The following PRRC2C variants were observed in gnomAD, a reference collection of about 807,000 sequenced individuals.
PRRC2C encodes the protein proline rich coiled-coil 2C, also known as protein PRRC2C.
Under a neutral mutation model 317.2 loss-of-function variants are expected in PRRC2C, and 72 were observed. The observed-to-expected ratio is 0.23, with a 90% CI of 0.19 to 0.28. PRRC2C has a LOEUF of 0.28. Among genes scored for constraint, PRRC2C ranks in the 10% least tolerant of loss-of-function variants. The pLI is 1.00. For synonymous variants in PRRC2C, 1,296 were observed against 1,205.9 expected, an observed-to-expected ratio of 1.07 and a Z score of -1.55; for missense variants, 3,074 against 3,459.7, an observed-to-expected ratio of 0.89 and a Z score of 2.80.
intron 1 of PRRC2C, among the ~76,000 whole-genome samples, chr1:171,486,065 G>A (rs1665996979): frequency 6.6e-6 from 1 of 150,562 alleles, no homozygotes; most frequent in Non-Finnish European, 1.5e-5. Flanking sequence ...TGCCGGGTAA[G>A]CGAAGGGGGT....
At chr1:171,586,012 CAG>C (rs549470801) in intron 30 of PRRC2C, among the ~76,000 whole-genome samples, 204 of 147,646 alleles carry the variant, frequency 1.4e-3, no homozygotes, top group Non-Finnish European at 2.4e-3. Context: ...GTGCATGAAA[CAG>C]AAGTTCTGAC....
At chr1:171,520,998 G>A (rs1265352517) in intron 6 of PRRC2C, among the ~76,000 whole-genome samples, 3 of 151,664 alleles carry the variant, frequency 2.0e-5, no homozygotes, top group Admixed American at 2.0e-4. Context: ...TAGAGACAGG[G>A]TTTCACCATG....
chr1:171,522,246 T>C lies in PRRC2C; in HGVS notation c.820T>C (p.Ser274Pro), dbSNP rs1328837995. 1.3e-6 allele frequency: 2 copies of C among 1,578,950 alleles called. No homozygotes were observed. Among genetic ancestry groups the C allele is most frequent in the South Asian group, 1.1e-5 (1 of 89,908 alleles). The part of the protein sequence containing the change: ...HGPMRFPPSL[S>P]ETNKGLRGRG... ...TCCCATGAGATTCCCACCTTCTTTA[T>C]CTGAAACAAACAAGTAAGGCTATTA... Residue 274 changes from serine (S) to proline (P), a missense_variant, in exon 7 of 35, where the codon TCT (serine) becomes CCT (proline). Transcript: ENST00000647382.
intron 23 of PRRC2C, 141 bp from the exon 24 acceptor site, chr1:171,571,179 G>A: frequency 1.8e-6 from 1 of 556,532 alleles, no homozygotes. Context: ...TAAACACAAT[G>A]TGACTCTTAA....
At chr1:171,536,299 T>C (rs1210438955) in intron 14 of PRRC2C, 21 bp downstream of exon 14, 4 of 1,607,600 alleles carry the variant, frequency 2.5e-6, no homozygotes, top group South Asian at 2.2e-5. Flanking sequence ...TTTGCATTTA[T>C]AGTTTTACAG....
At chr1:171,528,789 T>G (rs1043219146) in intron 11 of PRRC2C, among the ~76,000 whole-genome samples, 1 of 152,152 alleles carries the variant, frequency 6.6e-6, no homozygotes, top group African/African-American at 2.4e-5. Context: ...ATTGACATAG[T>G]TGATTTCTCT....
intron 24 of PRRC2C, 21 bp downstream of exon 24, chr1:171,571,442 T>G: frequency 2.4e-5 from 36 of 1,508,802 alleles, no homozygotes; most frequent in Non-Finnish European, 2.9e-5. Flanking sequence ...CATCCATCTC[T>G]AAGAGTCCTT....
chr1:171,575,205 C>G, intron 25 of PRRC2C, 77 bp downstream of exon 25: 5 of 1,318,832 alleles, frequency 3.8e-6, no homozygotes, highest in East Asian at 2.5e-5. Context: ...TGTTTACTAT[C>G]TCTAGCCCTC....
At chr1:171,500,550 C>T (rs1227902226) in intron 1 of PRRC2C, among the ~76,000 whole-genome samples, 1 of 152,118 alleles carries the variant, frequency 6.6e-6, no homozygotes, top group African/African-American at 2.4e-5. Context: ...GTACACGCCA[C>T]CATGCCTGGC....
chr1:171,591,382 T>TC, intron 34 of PRRC2C: 2 of 629,190 alleles, frequency 3.2e-6, no homozygotes, highest in Non-Finnish European at 4.6e-6. Flanking sequence ...GGTTTTTTTT[T>TC]TTTTTTTAAA....
At chr1:171,562,061 G>A (rs1342248447) in intron 20 of PRRC2C, among the ~76,000 whole-genome samples, 4 of 152,170 alleles carry the variant, frequency 2.6e-5, no homozygotes, top group Non-Finnish European at 5.9e-5. Context: ...AGGTACATAA[G>A]GAATTTTCCA....
rs758841315 is a variant in PRRC2C, at chr1:171,540,589, C to T, written c.3123C>T (p.Ala1041=). 22 of 1,613,494 alleles carry T rather than the reference C, an allele frequency of 1.4e-5. No individual in the cohort carries two copies. Among genetic ancestry groups the T allele is most frequent in the Admixed American group, 3.3e-5 (2 of 59,960 alleles). ...GGAAGGAGAAAGAAGGAGAAAAGGC[C>T]GAAAAGGTCACTGAAAAAGTAGTTG... is the stretch of plus-strand genomic sequence containing the variant. ...EQRKEKEGEK[A]EKVTEKVVVK... The change falls in exon 16 of 35, where the codon GCC becomes GCT. Residue 1041 remains alanine, a synonymous_variant. Transcript: ENST00000647382.
At chr1:171,583,474 G>A (rs1299124415) in intron 28 of PRRC2C, among the ~76,000 whole-genome samples, 1 of 152,128 alleles carries the variant, frequency 6.6e-6, no homozygotes, top group Non-Finnish European at 1.5e-5. Context: ...GAGCTGTCAT[G>A]TCCTATGATA....
In PRRC2C at chr1:171,510,399, G is replaced by A. The variant is rs555686729; in HGVS notation, c.-57-1633G>A. The A allele has an allele frequency of 3.9e-5, 6 of 152,140 alleles. No individual in the cohort carries two copies. In the South Asian group the frequency reaches 1.0e-3, roughly 26 times the overall value. The allele number at this position is 152,140 out of a possible 1,614,324, so 9.4% of individuals were successfully genotyped here. ...CTTAAGCAAGTTGACTGTTTTTCTTGATACATCAGTTCCTTTTTTTTTCAC... is the reference window on the plus strand; with the variant it reads ...CTTAAGCAAGTTGACTGTTTTTCTTAATACATCAGTTCCTTTTTTTTTCAC... On this transcript the variant is annotated intron_variant, in intron 1 of 34. Transcript: ENST00000647382.
chr1:171,591,694 A>G lies in PRRC2C; in HGVS notation c.8544A>G (p.Ser2848=). Residue 2848 remains serine (S), a synonymous_variant, in exon 35 of 35, where the codon TCA becomes TCG. Transcript: ENST00000647382. ...AAGCCCAGAAAGTGGACAGTGATTC[A>G]AGTAAACCTCCTGAAACACTGACCG... is the stretch of plus-strand genomic sequence containing the variant. ...GGKAQKVDSD[S]SKPPETLTDP... is the part of the protein sequence containing the mutation. 1.2e-6 allele frequency: 2 copies of G among 1,613,980 alleles called. No homozygotes were observed. Among genetic ancestry groups the G allele is most frequent in the South Asian group, 1.1e-5 (1 of 91,078 alleles).
At position 171,588,387 on chromosome 1, in the gene PRRC2C, C is replaced by G. The variant is rs1650543276; in HGVS notation, c.8081C>G (p.Ser2694Cys). ...TPTSSPFRAT[S>C]TSPNSQSSKM... ...AATGGCTTCTTTCCAAGGGCTACTT[C>G]TACAAGTCCGAACAGCCAGTCCAGC... The change falls in exon 33 of 35, where the codon TCT becomes TGT. Residue 2694 changes from serine to cysteine, a missense_variant. Ser to Cys is a moderately radical substitution (Grantham distance 112). Coordinates refer to ENST00000647382, the MANE Select transcript of PRRC2C (RefSeq NM_001387844.1). 1 of 1,613,650 alleles carries G rather than the reference C, an allele frequency of 6.2e-7. No homozygotes were observed. Among genetic ancestry groups the G allele is most frequent in the Admixed American group, 1.7e-5 (1 of 59,966 alleles).
intron 14 of PRRC2C, among the ~76,000 whole-genome samples, chr1:171,536,532 T>C (rs1571861081): frequency 1.3e-5 from 2 of 152,232 alleles, no homozygotes; most frequent in African/African-American, 2.4e-5. Context: ...TATGTGTTAT[T>C]AACAGTATTT....
chr1:171,591,881 G>T lies in PRRC2C; in HGVS notation c.*34G>T. 5.5e-6 allele frequency: 3 copies of T among 548,568 alleles called. No individual in the cohort carries two copies. Among genetic ancestry groups the T allele is most frequent in the Non-Finnish European group, 9.5e-6 (3 of 314,648 alleles). The allele number at this position is 548,568 out of a possible 1,614,324, so 34.0% of individuals were successfully genotyped here. On this transcript the variant is annotated 3_prime_UTR_variant, in exon 35 of 35. Coordinates refer to ENST00000647382, the MANE Select transcript of PRRC2C (RefSeq NM_001387844.1). ...GTTTATTGCAGGGGATTGGGAGGGG[G>T]GCGGGAAAACATGGAGAATTAAGTC...
chr1:171,539,151 G>A (rs1351747167), intron 15 of PRRC2C, among the ~76,000 whole-genome samples: 2 of 152,080 alleles, frequency 1.3e-5, no homozygotes, highest in Non-Finnish European at 2.9e-5. Flanking sequence ...ACAGGCATGT[G>A]CCACCACGCC....
Sources: gnomAD v4.1 joint callset for allele counts (sites outside exome capture counted in the v4.1 genomes callset) on GRCh38, gnomAD v4.1.1 for gene constraint, MANE v1.5 for transcripts, NCBI Gene and HGNC (gene_info 2026-07-23, HGNC 2026-07-21) for gene names.